Variants in WWP2 observed in about 807,000 individuals in gnomAD.
WWP2 encodes the protein NEDD4-like E3 ubiquitin-protein ligase WWP2.
Under a neutral mutation model 121.0 loss-of-function variants are expected in WWP2, and 57 were observed. That is an observed-to-expected ratio of 0.47 (90% confidence interval 0.38 to 0.59). The LOEUF is 0.59. WWP2 is among the 20% of genes least tolerant of loss of function. WWP2 has a pLI of 0.00. For missense variants in WWP2, 962 were observed against 1,158.9 expected (o/e 0.83, Z 2.47); for synonymous variants, 449 against 441.3 (o/e 1.02, Z -0.22).
At chr16:69,845,175 G>A (rs942574784) in intron 6 of WWP2, among the ~76,000 whole-genome samples, 10 of 152,078 alleles carry the variant, frequency 6.6e-5, no homozygotes, top group African/African-American at 2.4e-4. Flanking sequence ...GTCTCACAGG[G>A]TTATTGTGGG....
At chr16:69,934,190 G>C in intron 17 of WWP2, 61 bp downstream of exon 17, 1 of 1,588,386 alleles carries the variant, frequency 6.3e-7, no homozygotes, top group Non-Finnish European at 8.6e-7. Flanking sequence ...TCCCTCTCCT[G>C]GTGAAGTGTG....
chr16:69,908,830 G>A lies in WWP2; in HGVS notation c.984G>A (p.Trp328Ter). 6.2e-7 allele frequency: 1 copy of A among 1,614,180 alleles called. No homozygotes were observed. The highest frequency in any genetic ancestry group is 8.5e-7 in the Non-Finnish European group (1 of 1,180,040). Residue 328 changes from tryptophan (W) to a stop codon, truncating the protein, a stop_gained, in exon 9 of 24, where the codon TGG (tryptophan) becomes TGA (stop). Coordinates refer to ENST00000359154, the MANE Select transcript of WWP2 (RefSeq NM_001270454.2). LOFTEE classifies it high-confidence loss of function. ...YVDHNTKTTTWERPLPPGWEK... is the reference protein window; with the variant it reads ...YVDHNTKTTT ...ACCACAATACCAAGACCACCACCTGGGAGCGGCCCCTTCCTCCAGGGTAGG... is the reference window on the plus strand; with the variant it reads ...ACCACAATACCAAGACCACCACCTGAGAGCGGCCCCTTCCTCCAGGGTAGG...
intron 4 of WWP2, among the ~76,000 whole-genome samples, chr16:69,814,939 T>C (rs2056461261): frequency 6.6e-6 from 1 of 152,176 alleles, no homozygotes. Context: ...AAAAAGTTGC[T>C]CTTCAGTTAA....
In WWP2 at chr16:69,826,938, C is replaced by CAAAAAAA. The variant is rs542288952; in HGVS notation, c.341-13178_341-13172dup. Among the ~76,000 whole-genome samples, 4 of 85,218 alleles carry CAAAAAAA rather than the reference C, an allele frequency of 4.7e-5. No homozygotes were observed. In the East Asian group the frequency reaches 1.7e-3, roughly 37 times the overall value. The allele number at this position is 85,218 out of a possible 152,430, so 55.9% of individuals were successfully genotyped here. A position where few individuals can be genotyped will look rare whatever the true frequency, so the allele number is the denominator to read the frequency against. ...TGGGTGACAGAGCGAGACTCCACCTCAAAAAAAAAAAAAAAAGGGGGGGGG... is the reference window on the plus strand; with the variant it reads ...TGGGTGACAGAGCGAGACTCCACCTCAAAAAAAAAAAAAAAAAAAAAAAGGGGGGGGG... On this transcript the variant is annotated intron_variant, in intron 4 of 23. Transcript: ENST00000359154.
rs375899073 is a variant in WWP2 at position 69,901,858 on chromosome 16, G to A, written c.915-6903G>A. ...CCCAGCTACTCGGGAGGCTGAGGCA[G>A]GAGCATCACTTGAACTCGGGAGATG... On this transcript the variant is annotated intron_variant, in intron 8 of 23. Transcript: ENST00000359154. Among the ~76,000 whole-genome samples, 7 of 152,310 alleles carry A rather than the reference G, an allele frequency of 4.6e-5. No homozygotes were observed. The East Asian group carries it at 5.8e-4, about 13-fold the overall frequency.
chr16:69,893,763 C>T (rs576816534), intron 8 of WWP2, among the ~76,000 whole-genome samples: 7 of 152,230 alleles, frequency 4.6e-5, no homozygotes, highest in African/African-American at 1.7e-4. Context: ...AGGCTGTGCT[C>T]GAACGCCTGA....
At chr16:69,862,741 A>AG (rs1567388449) in intron 6 of WWP2, among the ~76,000 whole-genome samples, 1 of 120,028 alleles carries the variant, frequency 8.3e-6, no homozygotes, top group Non-Finnish European at 1.6e-5. Flanking sequence ...TTTTGGAAAC[A>AG]GGGTCTCTTG....
intron 1 of WWP2, among the ~76,000 whole-genome samples, chr16:69,767,901 G>A (rs566403432): frequency 1.3e-5 from 2 of 152,294 alleles, no homozygotes; most frequent in Middle Eastern, 3.4e-3. Flanking sequence ...ACAGTGGCAT[G>A]ATCATGGCTC....
rs183363254 is a variant in WWP2 at position 69,935,046 on chromosome 16, G to A, written c.1843-807G>A. Among the ~76,000 whole-genome samples the A allele has an allele frequency of 6.6e-6, 1 of 152,332 alleles. No individual in the cohort carries two copies. The highest frequency in any genetic ancestry group is 6.5e-5 in the Admixed American group (1 of 15,310). On this transcript the variant is annotated intron_variant, in intron 17 of 23. Transcript: ENST00000359154. The surrounding 1 kb of genome is among the most constrained non-coding windows in gnomAD (Gnocchi z 5.2). ...GGGACACAATGTGAATATGGAAAGG[G>A]AGGTCCTGCCACGTGCCCCGTTGAG...
intron 6 of WWP2, among the ~76,000 whole-genome samples, chr16:69,851,145 G>A (rs1052471914): frequency 3.3e-5 from 5 of 151,360 alleles, no homozygotes; most frequent in African/African-American, 1.2e-4. Context: ...TGAGTAGCTG[G>A]GATTACAAGC....
At chr16:69,843,850 A>G (rs1196662555) in intron 6 of WWP2, among the ~76,000 whole-genome samples, 3 of 152,104 alleles carry the variant, frequency 2.0e-5, no homozygotes, top group African/African-American at 7.2e-5. Flanking sequence ...GAGTGAGACT[A>G]TGTCTGTAAA....
chr16:69,907,923 C>T lies in WWP2; in HGVS notation c.915-838C>T, dbSNP rs554510558. ...TGTGAGCATGAATATATATGATGCT[C>T]GGAGGAGAGGGGTAGTCATAGAACC... On this transcript the variant is annotated intron_variant, in intron 8 of 23. Transcript: ENST00000359154. Among the ~76,000 whole-genome samples the T allele has an allele frequency of 5.9e-5, 9 of 152,214 alleles. No individual in the cohort carries two copies. The South Asian group carries it at 1.2e-3, about 21-fold the overall frequency.
intron 4 of WWP2, among the ~76,000 whole-genome samples, chr16:69,839,918 A>G (rs1451270083): frequency 6.6e-6 from 1 of 152,244 alleles, no homozygotes; most frequent in Non-Finnish European, 1.5e-5. Flanking sequence ...GAAAGAGTGC[A>G]GCTTCCCCTC....
In WWP2 at chr16:69,893,565, GTTTGTT is replaced by G. The variant is rs200377558; in HGVS notation, c.914+5338_914+5343del. ...GTTCAGAATGCTGTTTTTTTTGTTT[GTTTGTT>G]TTTGTTTTTGTTTTTGTTTTTTTGA... On this transcript the variant is annotated intron_variant, in intron 8 of 23. Coordinates refer to ENST00000359154, the MANE Select transcript of WWP2 (RefSeq NM_001270454.2). 2.3e-3 allele frequency among the ~76,000 whole-genome samples: 357 copies of G among 152,084 alleles called. 5 individuals are homozygous for G. Among genetic ancestry groups the G allele is most frequent in the African/African-American group, 6.6e-3 (272 of 41,496 alleles).
At chr16:69,814,028 A>G (rs1041620084) in intron 4 of WWP2, among the ~76,000 whole-genome samples, 2 of 152,196 alleles carry the variant, frequency 1.3e-5, no homozygotes, top group African/African-American at 4.8e-5. Flanking sequence ...ATCTCCAGGA[A>G]ATATGTCAGA....
chr16:69,934,254 C>T, intron 17 of WWP2, 125 bp downstream of exon 17: 2 of 1,277,616 alleles, frequency 1.6e-6, no homozygotes, highest in Non-Finnish European at 2.2e-6. Flanking sequence ...GAAGGGGCAG[C>T]ATTGGAGGAG....
chr16:69,799,358 C>A lies in WWP2; in HGVS notation c.340+63C>A. On this transcript the variant is annotated intron_variant, in intron 4 of 23. Transcript: ENST00000359154. The surrounding 1 kb of genome is among the most constrained non-coding windows in gnomAD (Gnocchi z 4.5). ...GTGGGGATGGGAGGACCTGGCAGAT[C>A]AACCTGGTATTGCAATTTCCCCCAG... is the stretch of plus-strand genomic sequence containing the variant. The A allele has an allele frequency of 1.3e-6, 2 of 1,578,476 alleles. No homozygotes were observed. Among genetic ancestry groups the A allele is most frequent in the South Asian group, 2.3e-5 (2 of 85,372 alleles).
At chr16:69,887,961 T>A in intron 7 of WWP2, 78 bp from the exon 8 acceptor site, 1 of 1,539,058 alleles carries the variant, frequency 6.5e-7, no homozygotes, top group Non-Finnish European at 8.9e-7. Context: ...TGTTAGCCTA[T>A]TAAGTGAAAA....
At chr16:69,777,767 T>C (rs1000889032) in intron 1 of WWP2, among the ~76,000 whole-genome samples, 21 of 151,282 alleles carry the variant, frequency 1.4e-4, no homozygotes, top group Non-Finnish European at 1.9e-4. Context: ...TATATAAATA[T>C]GTTATTTATA....
Sources: allele counts gnomAD v4.1 joint callset (sites outside exome capture counted in the v4.1 genomes callset), GRCh38; gene constraint gnomAD v4.1.1; non-coding constraint Gnocchi (gnomAD v3.1); transcripts MANE v1.5; gene names NCBI Gene and HGNC (gene_info 2026-07-23, HGNC 2026-07-21).